The following SYTL5 variants were observed in gnomAD, a reference collection of about 807,000 sequenced individuals.
The protein encoded by SYTL5 is synaptotagmin-like protein 5.
In SYTL5, 34 loss-of-function variants were observed where a neutral mutation model predicts 55.9. That is an observed-to-expected ratio of 0.61 (90% CI 0.46 to 0.81). The LOEUF (loss-of-function observed/expected upper bound fraction) is 0.81, where lower values mean the gene tolerates loss of function less well. Ranked by LOEUF, SYTL5 falls within the 30% of genes least tolerant of loss-of-function variation. The pLI, the probability that SYTL5 is intolerant of heterozygous loss-of-function variation, is 0.00. For missense variants in SYTL5, 637 were observed against 546.7 expected (o/e 1.17, Z -1.65); for synonymous variants, 221 against 188.7 (o/e 1.17, Z -1.40).
Position 38,106,612 on chromosome X carries a change from T to C in SYTL5, c.1175T>C (p.Met392Thr), listed in dbSNP as rs781727907. The C allele has an allele frequency of 4.2e-6, 5 of 1,201,180 alleles. No homozygotes were observed. The highest frequency in any genetic ancestry group is 5.6e-6 in the Non-Finnish European group (5 of 891,786). ...TTCCAGACCAGCCTTAACAGCATGA[T>C]GAGCGTTTACAGTGAAACGGGAGAC... ...GLSTTSLNSMMSVYSETGDYG... is the reference protein window; with the variant it reads ...GLSTTSLNSMTSVYSETGDYG... Residue 392 changes from methionine (M) to threonine (T), a missense_variant, in exon 11 of 17, where the codon ATG becomes ACG. Met to Thr is a moderately conservative substitution (Grantham distance 81). Coordinates refer to ENST00000297875, the MANE Select transcript of SYTL5 (RefSeq NM_138780.3).
chrX:38,020,408 C>CATATATAT (rs59575156), intron 1 of SYTL5, among the ~76,000 whole-genome samples: 1 of 58,567 alleles, frequency 1.7e-5, no homozygotes, highest in Non-Finnish European at 3.1e-5. Context: ...TATGTGTGTG[C>CATATATAT]ATATATATAT....
Position 38,106,610 on chromosome X carries a change from G to A in SYTL5, c.1173G>A (p.Met391Ile), listed in dbSNP as rs1191516273. The change falls in exon 11 of 17, where the codon ATG (methionine) becomes ATA (isoleucine). Residue 391 changes from methionine (M) to isoleucine (I), a missense_variant. Coordinates refer to ENST00000297875, the MANE Select transcript of SYTL5 (RefSeq NM_138780.3). ...TATTCCAGACCAGCCTTAACAGCAT[G>A]ATGAGCGTTTACAGTGAAACGGGAG... ...SGLSTTSLNS[M>I]MSVYSETGDY... The A allele has an allele frequency of 9.2e-6, 11 of 1,201,101 alleles. No individual in the cohort carries two copies. Among genetic ancestry groups the A allele is most frequent in the Non-Finnish European group, 1.2e-5 (11 of 891,639 alleles).
intron 9 of SYTL5, among the ~76,000 whole-genome samples, chrX:38,101,761 T>G (rs1006422605): frequency 9.2e-6 from 1 of 109,006 alleles, no homozygotes; most frequent in Non-Finnish European, 1.9e-5. Context: ...AGTTTTTAGT[T>G]TCCATTTATC....
the SYTL5 span, among the ~76,000 whole-genome samples, chrX:37,940,793 T>C: frequency 9.0e-6 from 1 of 110,686 alleles, no homozygotes; most frequent in Non-Finnish European, 1.9e-5. Flanking sequence ...AATTATCTGA[T>C]ATGCTGCAAT....
chrX:38,110,764 A>G (rs1937339647), intron 13 of SYTL5, among the ~76,000 whole-genome samples: 1 of 111,894 alleles, frequency 8.9e-6, no homozygotes, highest in Admixed American at 9.5e-5. Flanking sequence ...AAAGCAACAC[A>G]TTATATGATC....
At chrX:37,986,052 A>C in the SYTL5 span, among the ~76,000 whole-genome samples, 1 of 111,816 alleles carries the variant, frequency 8.9e-6, no homozygotes, top group Non-Finnish European at 1.9e-5. Context: ...AAAACCATAA[A>C]ACTTTTGGAA....
intron 13 of SYTL5, among the ~76,000 whole-genome samples, chrX:38,112,151 T>C (rs1159610405): frequency 1.8e-5 from 2 of 111,672 alleles, no homozygotes; most frequent in African/African-American, 6.5e-5. Flanking sequence ...TTCCTAACCA[T>C]GTCTTTTAGG....
intron 3 of SYTL5, among the ~76,000 whole-genome samples, chrX:38,069,090 C>A (rs1411352552): frequency 9.0e-6 from 1 of 110,859 alleles, no homozygotes; most frequent in African/African-American, 3.3e-5. Flanking sequence ...GTGAATTTGA[C>A]CCATGGGCCA....
chrX:38,059,962 C>T (rs950239675), intron 3 of SYTL5, among the ~76,000 whole-genome samples: 7 of 111,002 alleles, frequency 6.3e-5, no homozygotes, highest in Admixed American at 1.9e-4. Flanking sequence ...TCTTTACACC[C>T]AAGGCCCTCA....
the SYTL5 span, among the ~76,000 whole-genome samples, chrX:37,913,155 A>T: frequency 8.9e-6 from 1 of 112,042 alleles, no homozygotes; most frequent in African/African-American, 3.2e-5. Context: ...GTAAGCTAGC[A>T]TTAAAGATGC....
chrX:38,026,471 T>G (rs1481593180), intron 1 of SYTL5, among the ~76,000 whole-genome samples: 2 of 98,399 alleles, frequency 2.0e-5, no homozygotes, highest in Admixed American at 1.1e-4. Context: ...CAAGAAGGAA[T>G]TGGGGGTGAG....
rs543594407 is a variant in SYTL5 at position 38,096,518 on chromosome X, G to A, written c.1062+284G>A. On this transcript the variant is annotated intron_variant, in intron 9 of 16. Coordinates refer to ENST00000297875, the MANE Select transcript of SYTL5 (RefSeq NM_138780.3). The stretch of plus-strand genomic sequence containing the variant: ...ATCACTTAATCTAAACCTGGGAAAT[G>A]AGAGATCCTAACATTTTCCTTAGCC... Among the ~76,000 whole-genome samples the A allele has an allele frequency of 7.2e-5, 8 of 111,295 alleles. No homozygotes were observed. The South Asian group carries it at 3.0e-3, about 42-fold the overall frequency.
At chrX:38,090,729 G>A (rs946995072) in intron 7 of SYTL5, among the ~76,000 whole-genome samples, 1 of 112,610 alleles carries the variant, frequency 8.9e-6, no homozygotes, top group African/African-American at 3.2e-5. Flanking sequence ...GTTCCACCAC[G>A]CAGAGACAGC....
intron 3 of SYTL5, among the ~76,000 whole-genome samples, chrX:38,066,235 TA>T (rs1936097047): frequency 8.9e-6 from 1 of 112,291 alleles, no homozygotes; most frequent in Admixed American, 9.4e-5. Context: ...CAGCAGTTAA[TA>T]GAAAATAAAG....
chrX:38,066,009 A>G (rs1936089635), intron 3 of SYTL5, among the ~76,000 whole-genome samples: 1 of 110,856 alleles, frequency 9.0e-6, no homozygotes, highest in African/African-American at 3.3e-5. Flanking sequence ...CTGAGGCGGG[A>G]GAATCGCTTG....
At chrX:37,926,674 G>A in the SYTL5 span, among the ~76,000 whole-genome samples, 1 of 111,445 alleles carries the variant, frequency 9.0e-6, no homozygotes, top group African/African-American at 3.3e-5. Context: ...TGTTAGTAAT[G>A]GTCATCTCTT....
At chrX:38,043,591 C>T (rs1486417173) in intron 2 of SYTL5, among the ~76,000 whole-genome samples, 1 of 99,553 alleles carries the variant, frequency 1.0e-5, no homozygotes, top group Non-Finnish European at 2.0e-5. Flanking sequence ...CATAGAATTC[C>T]ACTTCCCAGA....
the SYTL5 span, among the ~76,000 whole-genome samples, chrX:38,001,499 G>A: frequency 2.6e-4 from 29 of 111,238 alleles, no homozygotes; most frequent in South Asian, 4.2e-3. Flanking sequence ...CTGTTCTCAC[G>A]AGTTCAAATA....
At chrX:37,899,387 A>G in the SYTL5 span, among the ~76,000 whole-genome samples, 4 of 111,184 alleles carry the variant, frequency 3.6e-5, no homozygotes, top group African/African-American at 9.8e-5. Flanking sequence ...TAAATCTTTG[A>G]TATTTCTTCT....
Sources: allele counts gnomAD v4.1 joint callset (sites outside exome capture counted in the v4.1 genomes callset), GRCh38; gene constraint gnomAD v4.1.1; transcripts MANE v1.5; gene names NCBI Gene and HGNC (gene_info 2026-07-23, HGNC 2026-07-21).